SPMIP4: variants seen among roughly 807,000 people sequenced by gnomAD.
SPMIP4 encodes the protein sperm-associated microtubule inner protein 4.
chr7:25,126,066 TAC>T, the SPMIP4 span: 15 of 269,046 alleles, frequency 5.6e-5, no homozygotes, highest in Non-Finnish European at 8.3e-5. Flanking sequence ...TATATATATA[TAC>T]TTAAGAGGTA....
At chr7:25,147,048 C>A in the SPMIP4 span, among the ~76,000 whole-genome samples, 1 of 152,196 alleles carries the variant, frequency 6.6e-6, no homozygotes, top group African/African-American at 2.4e-5. Flanking sequence ...GTAATCCCAG[C>A]ACTTTGGGAG....
the SPMIP4 span, chr7:25,136,705 GC>G: frequency 6.2e-7 from 1 of 1,614,174 alleles, no homozygotes; most frequent in South Asian, 1.1e-5. This position sits in a 1 kb window ranked among gnomAD's most constrained non-coding sequence, Gnocchi z 5.7. Context: ...CTGGACTATA[GC>G]CTCCAGAGAA....
At chr7:25,143,244 A>C in the SPMIP4 span, among the ~76,000 whole-genome samples, 1 of 152,350 alleles carries the variant, frequency 6.6e-6, no homozygotes, top group South Asian at 2.1e-4. Flanking sequence ...TGAAGTTTAA[A>C]TCACTCAAAT....
the SPMIP4 span, among the ~76,000 whole-genome samples, chr7:25,178,933 C>A: frequency 6.6e-6 from 1 of 152,126 alleles, no homozygotes; most frequent in South Asian, 2.1e-4. Flanking sequence ...CCCAGCTACT[C>A]TGGAGGGTGA....
At chr7:25,161,131 C>T in the SPMIP4 span, 1 of 1,032,860 alleles carries the variant, frequency 9.7e-7, no homozygotes, top group Non-Finnish European at 1.4e-6. Flanking sequence ...TCTCATATAA[C>T]TCATTTCCAC....
chr7:25,158,616 T>C, the SPMIP4 span: 6 of 1,107,760 alleles, frequency 5.4e-6, no homozygotes, highest in Admixed American at 3.8e-5. Context: ...ATTAATGATA[T>C]AGGCTGGGCA....
chr7:25,134,043 C>T, the SPMIP4 span, among the ~76,000 whole-genome samples: 72 of 152,084 alleles, frequency 4.7e-4, no homozygotes, highest in African/African-American at 1.4e-3. Context: ...AGGTGGATCA[C>T]GAGGTCAGGA....
chr7:25,171,329 GA>G, the SPMIP4 span, among the ~76,000 whole-genome samples: 30 of 152,294 alleles, frequency 2.0e-4, 1 homozygote, highest in South Asian at 6.2e-3. Flanking sequence ...TGGCACACAG[GA>G]AGCACTCAAA....
At chr7:25,126,008 T>G in the SPMIP4 span, 1 of 947,404 alleles carries the variant, frequency 1.1e-6, no homozygotes, top group South Asian at 4.9e-5. Flanking sequence ...GATGCAATGA[T>G]AACATTTATG....
At chr7:25,130,396 T>C in the SPMIP4 span, among the ~76,000 whole-genome samples, 9 of 144,350 alleles carry the variant, frequency 6.2e-5, no homozygotes, top group South Asian at 2.0e-3. Context: ...CACTGCAACC[T>C]CTGCCTCCCA....
chr7:25,168,274 A>C, the SPMIP4 span: 1 of 1,588,016 alleles, frequency 6.3e-7, no homozygotes, highest in East Asian at 2.3e-5. Context: ...TGTGAATGGC[A>C]GAAAGTTTAT....
At chr7:25,163,786 T>C in the SPMIP4 span, among the ~76,000 whole-genome samples, 1 of 152,234 alleles carries the variant, frequency 6.6e-6, no homozygotes, top group African/African-American at 2.4e-5. The surrounding 1 kb of genome is among the most constrained non-coding windows in gnomAD (Gnocchi z 4.4). Context: ...TAACTTATCC[T>C]CATAAGATTA....
the SPMIP4 span, among the ~76,000 whole-genome samples, chr7:25,150,614 T>C: frequency 6.6e-6 from 1 of 152,228 alleles, no homozygotes; most frequent in Non-Finnish European, 1.5e-5. Flanking sequence ...CCAACCATGT[T>C]AGCTATTATT....
chr7:25,174,414 G>C, the SPMIP4 span, among the ~76,000 whole-genome samples: 1 of 152,062 alleles, frequency 6.6e-6, no homozygotes, highest in Non-Finnish European at 1.5e-5. The surrounding 1 kb of genome is among the most constrained non-coding windows in gnomAD (Gnocchi z 4.5). Flanking sequence ...TTTTGAAAAG[G>C]ACACATTCCC....
At chr7:25,136,405 G>T in the SPMIP4 span, 12 of 1,614,140 alleles carry the variant, frequency 7.4e-6, no homozygotes, top group Non-Finnish European at 1.0e-5. The surrounding 1 kb of genome is among the most constrained non-coding windows in gnomAD (Gnocchi z 5.7). Context: ...GGTTTTTAGT[G>T]ACTGCTGTCT....
the SPMIP4 span, among the ~76,000 whole-genome samples, chr7:25,159,301 C>A: frequency 6.6e-6 from 1 of 152,152 alleles, no homozygotes; most frequent in African/African-American, 2.4e-5. Context: ...GCCCGGTCAG[C>A]AGAGGGAATA....
At chr7:25,158,358 G>C in the SPMIP4 span, 1 of 571,950 alleles carries the variant, frequency 1.7e-6, no homozygotes, top group Non-Finnish European at 2.9e-6. Context: ...GACAAAGTGA[G>C]ACTCTGTCTC....
the SPMIP4 span, among the ~76,000 whole-genome samples, chr7:25,155,759 G>T: frequency 6.6e-6 from 1 of 151,638 alleles, no homozygotes; most frequent in Non-Finnish European, 1.5e-5. Context: ...CACACTGAAG[G>T]AAAAAATAAA....
the SPMIP4 span, among the ~76,000 whole-genome samples, chr7:25,157,238 T>C: frequency 1.3e-5 from 2 of 152,186 alleles, no homozygotes; most frequent in Non-Finnish European, 2.9e-5. Context: ...AAATAAGTGA[T>C]TGAATAAATA....
Sources: gnomAD v4.1 joint callset for allele counts (sites outside exome capture counted in the v4.1 genomes callset) on GRCh38, gnomAD v4.1.1 for gene constraint, Gnocchi (gnomAD v3.1) non-coding constraint, MANE v1.5 for transcripts, NCBI Gene and HGNC (gene_info 2026-07-23, HGNC 2026-07-21) for gene names.